Variants in JAZF1 observed in about 807,000 individuals in gnomAD.
JAZF1 encodes the protein JAZF zinc finger 1, also known as juxtaposed with another zinc finger protein 1.
A neutral mutation model predicts 26.4 loss-of-function variants in JAZF1; 8 were observed. The observed-to-expected ratio is 0.30, with a 90% confidence interval of 0.18 to 0.55. The LOEUF is 0.55. JAZF1 is among the 20% of genes least tolerant of loss of function. JAZF1 has a pLI of 0.94. For synonymous variants in JAZF1, 126 were observed against 122.3 expected, an observed-to-expected ratio of 1.03 and a Z score of -0.20; for missense variants, 199 against 322.0, an observed-to-expected ratio of 0.62 and a Z score of 2.92.
At chr7:27,988,544 A>G (rs1159450125) in intron 2 of JAZF1, among the ~76,000 whole-genome samples, 1 of 151,894 alleles carries the variant, frequency 6.6e-6, no homozygotes, top group African/African-American at 2.4e-5. Flanking sequence ...CCTGGCCAAA[A>G]CTTTTAAATG....
At chr7:27,901,429 G>A (rs1238606582) in intron 2 of JAZF1, among the ~76,000 whole-genome samples, 5 of 152,158 alleles carry the variant, frequency 3.3e-5, no homozygotes, top group Admixed American at 3.3e-4. Context: ...GGTCCAGGGA[G>A]ACTAGTTTCA....
At chr7:28,066,322 G>A (rs1339994841) in intron 1 of JAZF1, among the ~76,000 whole-genome samples, 4 of 152,136 alleles carry the variant, frequency 2.6e-5, no homozygotes, top group Non-Finnish European at 4.4e-5. Context: ...TCAACAACAA[G>A]GCTGGGCGCA....
intron 2 of JAZF1, among the ~76,000 whole-genome samples, chr7:27,957,418 T>C (rs966890785): frequency 8.5e-5 from 13 of 152,194 alleles, no homozygotes; most frequent in Middle Eastern, 3.2e-3. Flanking sequence ...AGGTAGTTCA[T>C]CTAAGTGGGG....
chr7:27,917,844 C>G (rs1171822884), intron 2 of JAZF1, among the ~76,000 whole-genome samples: 1 of 152,170 alleles, frequency 6.6e-6, no homozygotes, highest in Non-Finnish European at 1.5e-5. Context: ...GCATTGTATT[C>G]TGGCTAAAGA....
chr7:28,083,000 G>T (rs73302936), intron 1 of JAZF1, among the ~76,000 whole-genome samples: 6,590 of 152,242 alleles, frequency 0.043, 503 homozygotes, highest in African/African-American at 0.15. Context: ...GAGTGCTCTG[G>T]CCTGTCCCTC....
At chr7:28,162,743 T>G (rs1329153151) in intron 1 of JAZF1, among the ~76,000 whole-genome samples, 1 of 152,232 alleles carries the variant, frequency 6.6e-6, no homozygotes, top group Non-Finnish European at 1.5e-5. Flanking sequence ...CTTCCTTGGG[T>G]GTATAAAACG....
rs375278819 is a variant in JAZF1 at position 28,071,430 on chromosome 7, G to T, written c.116-79449C>A. Among the ~76,000 whole-genome samples the T allele has an allele frequency of 2.0e-5, 3 of 152,294 alleles. No homozygotes were observed. In the South Asian group the frequency reaches 6.2e-4, roughly 32 times the overall value. ...CTGAAAACCCTGCCTCAACTGCCCT[G>T]AAAAATCTTTAGTCCTCCTTTCAAA... On this transcript the variant is annotated intron_variant, in intron 1 of 4. Coordinates refer to ENST00000283928, the MANE Select transcript of JAZF1 (RefSeq NM_175061.4).
intron 1 of JAZF1, among the ~76,000 whole-genome samples, chr7:28,003,810 C>G (rs888244856): frequency 7.2e-5 from 11 of 152,092 alleles, no homozygotes; most frequent in Non-Finnish European, 1.6e-4. Flanking sequence ...AGAAATTTTC[C>G]TCCCTTTCCC....
At chr7:28,037,717 C>T (rs1783317426) in intron 1 of JAZF1, among the ~76,000 whole-genome samples, 1 of 152,170 alleles carries the variant, frequency 6.6e-6, no homozygotes. Context: ...TTTCTAAATG[C>T]CAATTCACAG....
rs540925067 is a variant in JAZF1, at chr7:28,064,555, A to C, written c.116-72574T>G. ...TCTATAAATGTTTAAACTAATATCA[A>C]TATAATGACAGTTGAGGAAGCAAAC... On this transcript the variant is annotated intron_variant, in intron 1 of 4. Coordinates refer to ENST00000283928, the MANE Select transcript of JAZF1 (RefSeq NM_175061.4). 2.0e-5 allele frequency among the ~76,000 whole-genome samples: 3 copies of C among 152,334 alleles called. No individual in the cohort carries two copies. The South Asian group carries it at 6.2e-4, about 32-fold the overall frequency.
chr7:27,916,213 G>A (rs1336665224), intron 2 of JAZF1, among the ~76,000 whole-genome samples: 1 of 151,576 alleles, frequency 6.6e-6, no homozygotes, highest in Non-Finnish European at 1.5e-5. Context: ...AGGATTAGTT[G>A]CAGCCTAAGT....
At position 27,902,971 on chromosome 7, in the gene JAZF1, G is replaced by A. The variant is rs375556161; in HGVS notation, c.189-7555C>T. On this transcript the variant is annotated intron_variant, in intron 2 of 4. Transcript: ENST00000283928. ...GCGGAGCCTGCAGTGAGCCGAGATC[G>A]CGCCACTGCACTCCAGCCTGGGCGA... Among the ~76,000 whole-genome samples, 295 of 147,058 alleles carry A rather than the reference G, an allele frequency of 2.0e-3. 2 individuals carry two copies. The highest frequency in any genetic ancestry group is 0.017 in the East Asian group (81 of 4,902).
chr7:27,891,079 C>T (rs139674706), intron 3 of JAZF1, among the ~76,000 whole-genome samples: 8 of 152,128 alleles, frequency 5.3e-5, no homozygotes, highest in Non-Finnish European at 8.8e-5. Context: ...CGTGAGCGAC[C>T]GTGCCTGGCC....
chr7:27,963,983 GCTTATATAC>G (rs1453566839), intron 2 of JAZF1, among the ~76,000 whole-genome samples: 1 of 152,148 alleles, frequency 6.6e-6, no homozygotes, highest in South Asian at 2.1e-4. Flanking sequence ...TGAATTGGTT[GCTTATATAC>G]CTATATACCC....
intron 1 of JAZF1, among the ~76,000 whole-genome samples, chr7:28,177,307 G>A (rs1284171355): frequency 6.6e-6 from 1 of 152,138 alleles, no homozygotes; most frequent in African/African-American, 2.4e-5. Flanking sequence ...TGGTTCTAAA[G>A]CCCCCAAATC....
chr7:27,938,550 ATG>A (rs1164480337), intron 2 of JAZF1, among the ~76,000 whole-genome samples: 1 of 152,182 alleles, frequency 6.6e-6, no homozygotes, highest in Non-Finnish European at 1.5e-5. Flanking sequence ...CAGTTACCTC[ATG>A]TGTGAAATGG....
At chr7:28,169,556 T>G (rs1313109773) in intron 1 of JAZF1, among the ~76,000 whole-genome samples, 1 of 152,208 alleles carries the variant, frequency 6.6e-6, no homozygotes, top group Non-Finnish European at 1.5e-5. Flanking sequence ...GATTCCCAAG[T>G]AAACTGAGAT....
At chr7:27,993,728 G>T (rs10231892) in intron 1 of JAZF1, among the ~76,000 whole-genome samples, 2,034 of 152,260 alleles carry the variant, frequency 0.013, 49 homozygotes, top group African/African-American at 0.047. Flanking sequence ...AGGTAAGAAA[G>T]AACAGGGCAA....
At chr7:28,018,002 T>A (rs569271658) in intron 1 of JAZF1, among the ~76,000 whole-genome samples, 256 of 152,314 alleles carry the variant, frequency 1.7e-3, no homozygotes, top group African/African-American at 6.0e-3. Context: ...CTCGAACTGA[T>A]CTCGGGTGAT....
Sources: gnomAD v4.1 joint callset for allele counts (sites outside exome capture counted in the v4.1 genomes callset) on GRCh38, gnomAD v4.1.1 for gene constraint, MANE v1.5 for transcripts, NCBI Gene and HGNC (gene_info 2026-07-23, HGNC 2026-07-21) for gene names.